Variants in IFT80 observed in about 807,000 individuals in gnomAD.
The protein encoded by IFT80 is intraflagellar transport 80, also known as intraflagellar transport protein 80 homolog.
Under a neutral mutation model 107.9 loss-of-function variants are expected in IFT80, and 79 were observed. That is an observed-to-expected ratio of 0.73 (90% CI 0.61 to 0.88). The LOEUF (loss-of-function observed/expected upper bound fraction) is 0.88, where lower values mean the gene tolerates loss of function less well. Among genes scored for constraint, IFT80 ranks in the 40% least tolerant of loss-of-function variants. The pLI is 0.00. For synonymous variants in IFT80, 299 were observed against 300.9 expected (o/e 0.99, Z 0.07); for missense variants, 797 against 914.2 (o/e 0.87, Z 1.65).
At chr3:160,283,904 G>T (rs933868329) in intron 13 of IFT80, among the ~76,000 whole-genome samples, 1 of 152,094 alleles carries the variant, frequency 6.6e-6, no homozygotes, top group African/African-American at 2.4e-5. Context: ...CTTTGTAGTG[G>T]GACATAAAAG....
intron 1 of IFT80, among the ~76,000 whole-genome samples, chr3:160,390,121 A>G (rs1284516507): frequency 6.6e-6 from 1 of 152,176 alleles, no homozygotes; most frequent in African/African-American, 2.4e-5. Context: ...GATCTATAAG[A>G]AAAGCAGTTT....
intron 10 of IFT80, among the ~76,000 whole-genome samples, chr3:160,304,441 T>C (rs377429629): frequency 2.0e-5 from 3 of 149,814 alleles, no homozygotes; most frequent in South Asian, 2.1e-4. Context: ...TTTTCTTTTT[T>C]TTTTTTTTTT....
chr3:160,369,251 T>C (rs971939663), intron 5 of IFT80, among the ~76,000 whole-genome samples: 5 of 151,804 alleles, frequency 3.3e-5, no homozygotes, highest in Non-Finnish European at 7.4e-5. Flanking sequence ...TAACATGTGG[T>C]TTTTAACCAC....
intron 12 of IFT80, among the ~76,000 whole-genome samples, chr3:160,291,924 G>A (rs1366859942): frequency 6.6e-6 from 1 of 152,210 alleles, no homozygotes; most frequent in Non-Finnish European, 1.5e-5. Context: ...GTGGACACTG[G>A]GGGCTGCAGC....
rs139322124 is a variant in IFT80 at position 160,388,021 on chromosome 3, G to T, written c.-46-3375C>A. Among the ~76,000 whole-genome samples, 340 of 151,920 alleles carry T rather than the reference G, an allele frequency of 2.2e-3. 3 individuals carry two copies. The highest frequency in any genetic ancestry group is 7.5e-3 in the African/African-American group (313 of 41,522). On this transcript the variant is annotated intron_variant, in intron 1 of 19. Coordinates refer to ENST00000326448, the MANE Select transcript of IFT80 (RefSeq NM_020800.3). ...TATGACTGTGAAAGTGGGTGGCTGA[G>T]GTCAAGGAACTGACAGGCCAGGGAT...
rs575605655 is a variant in IFT80, at chr3:160,318,182, G to A, written c.957+1578C>T. Among the ~76,000 whole-genome samples, 18 of 151,680 alleles carry A rather than the reference G, an allele frequency of 1.2e-4. No homozygotes were observed. The South Asian group carries it at 3.5e-3, about 30-fold the overall frequency. The stretch of plus-strand genomic sequence containing the variant: ...TGGGTGATGAGTACATGGGGATTCA[G>A]TATACTAGTCTGTGTGTGTTTTAAA... On this transcript the variant is annotated intron_variant, in intron 9 of 19. Coordinates refer to ENST00000326448, the MANE Select transcript of IFT80 (RefSeq NM_020800.3).
intron 8 of IFT80, among the ~76,000 whole-genome samples, chr3:160,322,495 T>C (rs1310900009): frequency 6.6e-6 from 1 of 152,144 alleles, no homozygotes; most frequent in Non-Finnish European, 1.5e-5. Context: ...ACAATCAATA[T>C]ACGTGTGCAT....
intron 8 of IFT80, among the ~76,000 whole-genome samples, chr3:160,347,855 T>C (rs143557565): frequency 6.6e-6 from 1 of 152,218 alleles, no homozygotes; most frequent in Non-Finnish European, 1.5e-5. Context: ...TGATGAAAAC[T>C]GATATGCATA....
intron 15 of IFT80, among the ~76,000 whole-genome samples, chr3:160,280,031 TTTG>T (rs1559916365): frequency 6.6e-6 from 1 of 152,224 alleles, no homozygotes; most frequent in Non-Finnish European, 1.5e-5. Flanking sequence ...CCTCTCTGGT[TTTG>T]TTAAGGTTTT....
intron 8 of IFT80, among the ~76,000 whole-genome samples, chr3:160,353,800 T>G (rs748385453): frequency 2.4e-4 from 37 of 152,310 alleles, no homozygotes; most frequent in Non-Finnish European, 5.3e-4. Flanking sequence ...AGTCTTTATA[T>G]CTTTTTCTTA....
At position 160,381,489 on chromosome 3, in the gene IFT80, T is replaced by C; in HGVS notation, c.259+14A>G. On this transcript the variant is annotated intron_variant, in intron 3 of 19. Transcript: ENST00000326448. ...AATACAATGGCGAGCATATAATGTT[T>C]ATTTAAAACTTACCATCAGAACTTG... 6.3e-7 allele frequency: 1 copy of C among 1,576,492 alleles called. No individual in the cohort carries two copies. Among genetic ancestry groups the C allele is most frequent in the South Asian group, 1.1e-5 (1 of 90,296 alleles).
intron 1 of IFT80, chr3:160,391,607 G>A (rs1389614773): frequency 1.3e-5 from 2 of 151,722 alleles, no homozygotes; most frequent in Non-Finnish European, 2.9e-5. Context: ...GGAGGTGGAG[G>A]TTGCAGTAAA....
intron 8 of IFT80, among the ~76,000 whole-genome samples, chr3:160,340,702 C>A (rs763658117): frequency 1.3e-5 from 2 of 152,180 alleles, no homozygotes; most frequent in Non-Finnish European, 2.9e-5. Flanking sequence ...TAACCCCCAG[C>A]TAGGAAAAGT....
intron 8 of IFT80, among the ~76,000 whole-genome samples, chr3:160,326,771 G>T (rs1290870143): frequency 6.6e-6 from 1 of 152,032 alleles, no homozygotes; most frequent in Non-Finnish European, 1.5e-5. Context: ...GGACAAGGAT[G>T]CCCTCTCTCA....
At chr3:160,395,668 C>T (rs1713716953) in intron 1 of IFT80, among the ~76,000 whole-genome samples, 1 of 152,168 alleles carries the variant, frequency 6.6e-6, no homozygotes, top group Non-Finnish European at 1.5e-5. Context: ...CTTACCACAG[C>T]AAGGGGAGAG....
intron 3 of IFT80, among the ~76,000 whole-genome samples, chr3:160,380,177 C>T (rs1576896261): frequency 6.6e-6 from 1 of 151,904 alleles, no homozygotes; most frequent in African/African-American, 2.4e-5. Flanking sequence ...GGACTATAGG[C>T]ATGTGCCACC....
chr3:160,388,638 T>C (rs1208992648), intron 1 of IFT80, among the ~76,000 whole-genome samples: 2 of 149,288 alleles, frequency 1.3e-5, no homozygotes, highest in East Asian at 3.9e-4. Context: ...ATAAATACAT[T>C]CTATATAAAT....
At chr3:160,359,618 G>A (rs1721351305) in intron 6 of IFT80, among the ~76,000 whole-genome samples, 1 of 152,066 alleles carries the variant, frequency 6.6e-6, no homozygotes, top group Admixed American at 6.6e-5. Flanking sequence ...GACACCTCTG[G>A]GACTAAGCTT....
At chr3:160,387,665 A>G (rs915081796) in intron 1 of IFT80, among the ~76,000 whole-genome samples, 2 of 152,220 alleles carry the variant, frequency 1.3e-5, no homozygotes, top group African/African-American at 4.8e-5. Flanking sequence ...TTTCTATTAG[A>G]CAACCCAATG....
Sources: allele counts gnomAD v4.1 joint callset (sites outside exome capture counted in the v4.1 genomes callset), GRCh38; gene constraint gnomAD v4.1.1; transcripts MANE v1.5; gene names NCBI Gene and HGNC (gene_info 2026-07-23, HGNC 2026-07-21).